Variants in TMTC3 observed in about 807,000 individuals in gnomAD.
TMTC3 encodes the protein protein O-mannosyl-transferase TMTC3.
In TMTC3, 52 loss-of-function variants were observed where a neutral mutation model predicts 92.2. The ratio of observed to expected loss-of-function variants is 0.56; its 90% CI spans 0.45 to 0.71. The LOEUF (loss-of-function observed/expected upper bound fraction) is 0.71. TMTC3 is among the 30% of genes least tolerant of loss of function. The pLI is 0.00. For missense variants in TMTC3, 896 were observed against 1,057.1 expected (o/e 0.85, Z 2.11); for synonymous variants, 339 against 363.3 (o/e 0.93, Z 0.76).
chr12:88,174,778 G>C, intron 9 of TMTC3, 51 bp downstream of exon 9: 1 of 1,604,086 alleles, frequency 6.2e-7, no homozygotes, highest in Non-Finnish European at 8.5e-7. Context: ...TGATTTCTTG[G>C]AACAATTTCT....
intron 7 of TMTC3, among the ~76,000 whole-genome samples, chr12:88,170,281 T>C (rs2041190286): frequency 6.6e-6 from 1 of 152,218 alleles, no homozygotes; most frequent in African/African-American, 2.4e-5. Context: ...TTTGAGTGAA[T>C]TTAACACTTA....
intron 10 of TMTC3, among the ~76,000 whole-genome samples, chr12:88,176,684 A>AGGATTCCTTGAGCCCAGGAGTTC (rs1423020679): frequency 2.6e-5 from 4 of 152,150 alleles, no homozygotes; most frequent in Non-Finnish European, 5.9e-5. Flanking sequence ...CTCAGGTGGG[A>AGGATTCCTTGAGCCCAGGAGTTC]GGATTCCTTG....
At chr12:88,190,872 C>A (rs2041434823) in intron 12 of TMTC3, among the ~76,000 whole-genome samples, 1 of 152,150 alleles carries the variant, frequency 6.6e-6, no homozygotes, top group South Asian at 2.1e-4. Context: ...AGAAGCAGCT[C>A]TGTCTTAGTT....
chr12:88,160,242 A>G lies in TMTC3; in HGVS notation c.624+13A>G. On this transcript the variant is annotated intron_variant, in intron 5 of 13. Transcript: ENST00000266712. ...TATTGCCCAGGGGGTAAGCCAAACT[A>G]TAAATATATAAATTTTCTTATTGAT... 2 of 1,398,046 alleles carry G rather than the reference A, an allele frequency of 1.4e-6. No individual in the cohort carries two copies. The highest frequency in any genetic ancestry group is 2.5e-5 in the East Asian group (1 of 40,108). 86.6% of individuals were successfully genotyped at this position (1,398,046 alleles called of 1,614,324 possible).
At position 88,198,130 on chromosome 12, in the gene TMTC3, G is replaced by T; in HGVS notation, c.*2481G>T. On this transcript the variant is annotated 3_prime_UTR_variant, in exon 14 of 14. Transcript: ENST00000266712. ...TTCCATCAAACTAGCCCTTGTGTAA[G>T]ATTATTATTTCTTCTCTATAACTTC... The T allele has an allele frequency of 2.6e-6, 1 of 390,950 alleles. No homozygotes were observed. Among genetic ancestry groups the T allele is most frequent in the Middle Eastern group, 6.5e-4 (1 of 1,548 alleles). The allele number at this position is 390,950 out of a possible 1,614,324, so 24.2% of individuals were successfully genotyped here. A position where few individuals can be genotyped will look rare whatever the true frequency, so the allele number is the denominator to read the frequency against.
At chr12:88,162,956 C>T (rs190089898) in intron 6 of TMTC3, among the ~76,000 whole-genome samples, 1 of 150,728 alleles carries the variant, frequency 6.6e-6, no homozygotes, top group East Asian at 2.0e-4. Flanking sequence ...CTTTTGTTGC[C>T]CAGGGCTGGA....
At chr12:88,160,533 T>C (rs2138382000) in intron 5 of TMTC3, 146 bp from the exon 6 acceptor site, 1 of 776,044 alleles carries the variant, frequency 1.3e-6, no homozygotes, top group Non-Finnish European at 2.0e-6. Context: ...TGAGCTCAGT[T>C]TTATTCATTA....
In TMTC3 at chr12:88,197,482, T is replaced by C. The variant is rs186155283; in HGVS notation, c.*1833T>C. On this transcript the variant is annotated 3_prime_UTR_variant, in exon 14 of 14. Coordinates refer to ENST00000266712, the MANE Select transcript of TMTC3 (RefSeq NM_181783.4). ...CTTAGGCTCTCTCCATGTATCTTTC[T>C]TAAGGAAAAGTTTCTGAGTGTGATC... is the stretch of plus-strand genomic sequence containing the variant. The C allele has an allele frequency of 8.5e-5, 13 of 152,412 alleles. No homozygotes were observed. In the East Asian group the frequency reaches 2.3e-3, roughly 27 times the overall value. 9.4% of individuals were successfully genotyped at this position (152,412 alleles called of 1,614,324 possible).
intron 13 of TMTC3, among the ~76,000 whole-genome samples, chr12:88,193,704 T>C (rs2041469436): frequency 6.6e-6 from 1 of 152,238 alleles, no homozygotes; most frequent in East Asian, 1.9e-4. Context: ...ATTTTCTTTA[T>C]CCATCGTGCT....
intron 6 of TMTC3, among the ~76,000 whole-genome samples, chr12:88,161,261 C>T (rs564078481): frequency 6.6e-6 from 1 of 152,190 alleles, no homozygotes; most frequent in South Asian, 2.1e-4. Context: ...CTATTAGGTG[C>T]GTAAACAACT....
At chr12:88,158,617 C>T (rs1177366703) in intron 4 of TMTC3, among the ~76,000 whole-genome samples, 3 of 151,694 alleles carry the variant, frequency 2.0e-5, no homozygotes, top group African/African-American at 7.3e-5. Flanking sequence ...CTACAGAGTA[C>T]TTTGAAAACA....
At chr12:88,174,798 T>A (rs1473701629) in intron 9 of TMTC3, 71 bp downstream of exon 9, 4 of 1,576,442 alleles carry the variant, frequency 2.5e-6, no homozygotes, top group Non-Finnish European at 3.4e-6. Flanking sequence ...TAAGCTGTTT[T>A]AACTTTGTTT....
intron 9 of TMTC3, among the ~76,000 whole-genome samples, chr12:88,175,176 GAA>G (rs35576106): frequency 7.1e-6 from 1 of 140,272 alleles, no homozygotes. Flanking sequence ...AATGTACAGC[GAA>G]AAAAAAAAGG....
rs764501000 is a variant in TMTC3, at chr12:88,153,296, A to G, written c.195A>G (p.Arg65=). 5 of 1,607,590 alleles carry G rather than the reference A, an allele frequency of 3.1e-6. No homozygotes were observed. The East Asian group carries it at 1.1e-4, about 36-fold the overall frequency. The change falls in exon 3 of 14, where the codon AGA becomes AGG. Residue 65 remains arginine, a synonymous_variant. Coordinates refer to ENST00000266712, the MANE Select transcript of TMTC3 (RefSeq NM_181783.4). The part of the protein sequence containing the change: ...DFWGTPMSEE[R]SHKSYRPLTV... ...TGATCGTTTTTTCCTTGTAGGAGAG[A>G]AGCCACAAGTCTTACCGTCCCTTAA...
chr12:88,160,697 T>A lies in TMTC3; in HGVS notation c.643T>A (p.Cys215Ser). The A allele has an allele frequency of 1.2e-6, 2 of 1,613,192 alleles. No homozygotes were observed. Among genetic ancestry groups the A allele is most frequent in the Non-Finnish European group, 1.7e-6 (2 of 1,179,656 alleles). The stretch of plus-strand genomic sequence containing the variant: ...TTTTCAGTATACTTTGCCATTACTA[T>A]GTACTACTGCTGGACAGTTTCTCCG... ...IAQGYTLPLL[C>S]TTAGQFLRGK... Residue 215 changes from cysteine (C) to serine (S), a missense_variant, in exon 6 of 14, where the codon TGT becomes AGT. Physicochemically the swap from Cys to Ser is moderately radical, Grantham distance 112. Transcript: ENST00000266712.
rs751823665 is a variant in TMTC3 at position 88,154,406 on chromosome 12, AT to A, written c.508+28del. ...TCCATAAGTACATGTCTCACATTTG[AT>A]TTTTTTTTAATAGTGCTAAAACTTG... On this transcript the variant is annotated intron_variant, in intron 4 of 13. Transcript: ENST00000266712. The A allele has an allele frequency of 2.9e-4, 443 of 1,529,634 alleles. No individual in the cohort carries two copies. Among genetic ancestry groups the A allele is most frequent in the Admixed American group, 7.2e-4 (33 of 45,968 alleles). The allele number at this position is 1,529,634 out of a possible 1,614,324, so 94.8% of individuals were successfully genotyped here. A position where few individuals can be genotyped will look rare whatever the true frequency, so the allele number is the denominator to read the frequency against.
intron 9 of TMTC3, among the ~76,000 whole-genome samples, chr12:88,175,046 T>A (rs2041244275): frequency 6.6e-6 from 1 of 152,166 alleles, no homozygotes; most frequent in Non-Finnish European, 1.5e-5. Flanking sequence ...TCCTTTTTTA[T>A]ATCTCTGAAA....
intron 7 of TMTC3, among the ~76,000 whole-genome samples, chr12:88,170,341 A>T (rs1322632649): frequency 1.3e-5 from 2 of 151,286 alleles, no homozygotes; most frequent in African/African-American, 2.4e-5. Context: ...AATAGGTATA[A>T]TTTTTTTTTC....
rs2041552387 is a variant in TMTC3, at chr12:88,199,154, G to A, written c.*3505G>A. On this transcript the variant is annotated 3_prime_UTR_variant, in exon 14 of 14. Coordinates refer to ENST00000266712, the MANE Select transcript of TMTC3 (RefSeq NM_181783.4). Reference sequence around the variant, plus strand: ...AAAGACATTAAATAAGTTTCTGAGAGTGATACATTTTCAAACATGAGGAGT... The same window carrying A: ...AAAGACATTAAATAAGTTTCTGAGAATGATACATTTTCAAACATGAGGAGT... The A allele has an allele frequency of 6.6e-6, 1 of 151,944 alleles. No homozygotes were observed. The highest frequency in any genetic ancestry group is 6.6e-5 in the Admixed American group (1 of 15,236). 9.4% of individuals were successfully genotyped at this position (151,944 alleles called of 1,614,324 possible). A position where few individuals can be genotyped will look rare whatever the true frequency, so the allele number is the denominator to read the frequency against.
Sources: allele counts gnomAD v4.1 joint callset (sites outside exome capture counted in the v4.1 genomes callset), GRCh38; gene constraint gnomAD v4.1.1; transcripts MANE v1.5; gene names NCBI Gene and HGNC (gene_info 2026-07-23, HGNC 2026-07-21).